TBPL1: variants seen among roughly 807,000 people sequenced by gnomAD.
TBPL1 encodes the protein TATA box-binding protein-like 1.
In TBPL1, 4 loss-of-function variants were observed where a neutral mutation model predicts 22.1. The ratio of observed to expected loss-of-function variants is 0.18; its 90% CI spans 0.09 to 0.41. TBPL1 has a LOEUF of 0.41. Among genes scored for constraint, TBPL1 ranks in the 10% least tolerant of loss-of-function variants. The pLI, the probability that TBPL1 is intolerant of heterozygous loss-of-function variation, is 1.00. For synonymous variants in TBPL1, 64 were observed against 71.0 expected, an observed-to-expected ratio of 0.90 and a Z score of 0.50; for missense variants, 115 against 222.3, an observed-to-expected ratio of 0.52 and a Z score of 3.07.
chr6:133,973,150 TCTA>T (rs1437147094), intron 1 of TBPL1, among the ~76,000 whole-genome samples: 3 of 152,360 alleles, frequency 2.0e-5, no homozygotes, highest in East Asian at 3.9e-4. Context: ...TATTTCCTAA[TCTA>T]CTATTTGGGG....
chr6:133,971,811 A>G (rs901801980), intron 1 of TBPL1, among the ~76,000 whole-genome samples: 3 of 152,076 alleles, frequency 2.0e-5, no homozygotes, highest in African/African-American at 7.2e-5. Context: ...TGAATTTCAT[A>G]TATATATTCT....
chr6:133,981,961 A>C (rs1486795770), intron 2 of TBPL1, among the ~76,000 whole-genome samples: 1 of 152,220 alleles, frequency 6.6e-6, no homozygotes, highest in Non-Finnish European at 1.5e-5. Flanking sequence ...TTTCTCCTTT[A>C]TTCAAGATGC....
intron 2 of TBPL1, among the ~76,000 whole-genome samples, chr6:133,981,123 C>T (rs1776406180): frequency 6.6e-6 from 1 of 152,028 alleles, no homozygotes; most frequent in Non-Finnish European, 1.5e-5. Context: ...CAGGTGCACA[C>T]CACCACGCTC....
intron 1 of TBPL1, among the ~76,000 whole-genome samples, chr6:133,972,173 A>G (rs1776234642): frequency 6.6e-6 from 1 of 152,232 alleles, no homozygotes; most frequent in African/African-American, 2.4e-5. Flanking sequence ...TGCAGACAAG[A>G]CATTCCCCCA....
rs994526345 is a variant in TBPL1, at chr6:133,972,585, G to A, written c.-44-7497G>A. ...CTGCGTAGTCATTATGGAAACACAC[G>A]GGCATGGCTGTGTTCCAATAAAACT... On this transcript the variant is annotated intron_variant, in intron 1 of 6. Transcript: ENST00000237264. Among the ~76,000 whole-genome samples, 6 of 152,116 alleles carry A rather than the reference G, an allele frequency of 3.9e-5. No homozygotes were observed. The South Asian group carries it at 8.3e-4, about 21-fold the overall frequency.
At chr6:133,965,828 T>A (rs888969090) in intron 1 of TBPL1, among the ~76,000 whole-genome samples, 8 of 152,180 alleles carry the variant, frequency 5.3e-5, no homozygotes, top group African/African-American at 1.9e-4. Flanking sequence ...AAAGGAGATA[T>A]AATAATAGTA....
chr6:133,973,965 AT>A (rs1337234675), intron 1 of TBPL1, among the ~76,000 whole-genome samples: 2 of 149,704 alleles, frequency 1.3e-5, no homozygotes, highest in Admixed American at 6.7e-5. Context: ...ACATATATAT[AT>A]ATATTTGTTT....
rs1022480053 is a variant in TBPL1 at position 133,953,232 on chromosome 6, C to T, written c.-238C>T. 2 of 152,830 alleles carry T rather than the reference C, an allele frequency of 1.3e-5. No homozygotes were observed. Among genetic ancestry groups the T allele is most frequent in the Non-Finnish European group, 2.9e-5 (2 of 68,212 alleles). The allele number at this position is 152,830 out of a possible 1,614,324, so 9.5% of individuals were successfully genotyped here. A position where few individuals can be genotyped will look rare whatever the true frequency, so the allele number is the denominator to read the frequency against. Reference sequence around the variant, plus strand: ...GGGGAAGCTGCGGCCGCCTCGCACCCGGAACAACAAAGCAAGGAAGACGGA... The same window carrying T: ...GGGGAAGCTGCGGCCGCCTCGCACCTGGAACAACAAAGCAAGGAAGACGGA... On this transcript the variant is annotated 5_prime_UTR_variant, in exon 1 of 7. Coordinates refer to ENST00000237264, the MANE Select transcript of TBPL1 (RefSeq NM_004865.4).
intron 1 of TBPL1, among the ~76,000 whole-genome samples, chr6:133,978,797 A>G (rs557643829): frequency 2.6e-5 from 4 of 152,284 alleles, no homozygotes; most frequent in Admixed American, 1.3e-4. Context: ...GACCTTCTTT[A>G]TTTAGACTCT....
chr6:133,959,269 A>G (rs1583807998), intron 1 of TBPL1, among the ~76,000 whole-genome samples: 1 of 152,104 alleles, frequency 6.6e-6, no homozygotes, highest in South Asian at 2.1e-4. Context: ...CGAACTTCTG[A>G]CCTCAAGTGA....
intron 1 of TBPL1, among the ~76,000 whole-genome samples, chr6:133,956,430 A>G (rs2114316047): frequency 6.6e-6 from 1 of 152,308 alleles, no homozygotes; most frequent in South Asian, 2.1e-4. Flanking sequence ...CATGTGTGTA[A>G]TAAAACATGA....
At chr6:133,963,902 G>A (rs1776070795) in intron 1 of TBPL1, among the ~76,000 whole-genome samples, 2 of 151,604 alleles carry the variant, frequency 1.3e-5, no homozygotes, top group Admixed American at 1.3e-4. Context: ...TTAGCCAGGC[G>A]TGGTGGCGGG....
At chr6:133,970,030 A>C (rs545769364) in intron 1 of TBPL1, among the ~76,000 whole-genome samples, 1 of 152,238 alleles carries the variant, frequency 6.6e-6, no homozygotes, top group South Asian at 2.1e-4. Flanking sequence ...TGCCACTCCT[A>C]ACTGTTGGTT....
intron 1 of TBPL1, among the ~76,000 whole-genome samples, chr6:133,954,769 G>A (rs117921490): frequency 0.017 from 2,520 of 152,254 alleles, 24 homozygotes; most frequent in Non-Finnish European, 0.026. Flanking sequence ...GCAAAAAGGT[G>A]TCATCCTTTC....
At chr6:133,978,727 C>T (rs778296621) in intron 1 of TBPL1, among the ~76,000 whole-genome samples, 2 of 152,114 alleles carry the variant, frequency 1.3e-5, no homozygotes, top group Non-Finnish European at 2.9e-5. Context: ...ATAGAGGTGT[C>T]AGAAGTCTTG....
intron 3 of TBPL1, 46 bp from the exon 4 acceptor site, chr6:133,982,767 CATTT>C: frequency 6.3e-7 from 1 of 1,595,984 alleles, no homozygotes; most frequent in Non-Finnish European, 8.5e-7. Context: ...CTCAGTATAA[CATTT>C]ATTTCCTGTG....
At position 133,988,493 on chromosome 6, in the gene TBPL1, T is replaced by C. The variant is rs1776569790; in HGVS notation, c.*1453T>C. ...TTTCCAAAATGTTTTTAAACCTTTG[T>C]GGAAAAATTGCAACATCCTAATCTC... On this transcript the variant is annotated 3_prime_UTR_variant, in exon 7 of 7. Coordinates refer to ENST00000237264, the MANE Select transcript of TBPL1 (RefSeq NM_004865.4). 1 of 152,220 alleles carries C rather than the reference T, an allele frequency of 6.6e-6. No individual in the cohort carries two copies. The highest frequency in any genetic ancestry group is 1.5e-5 in the Non-Finnish European group (1 of 68,028). 9.4% of individuals were successfully genotyped at this position (152,220 alleles called of 1,614,324 possible).
chr6:133,985,297 A>ATAT (rs1554304688), intron 6 of TBPL1, among the ~76,000 whole-genome samples: 2 of 42,888 alleles, frequency 4.7e-5, no homozygotes, highest in African/African-American at 2.3e-4. Context: ...AAAAAAAAAA[A>ATAT]ATATATATAT....
chr6:133,979,535 A>G (rs1582581090), intron 1 of TBPL1, among the ~76,000 whole-genome samples: 1 of 152,098 alleles, frequency 6.6e-6, no homozygotes, highest in African/African-American at 2.4e-5. Flanking sequence ...CCTGTCAAGT[A>G]AAAGTTACTT....
Sources: allele counts gnomAD v4.1 joint callset (sites outside exome capture counted in the v4.1 genomes callset), GRCh38; gene constraint gnomAD v4.1.1; transcripts MANE v1.5; gene names NCBI Gene and HGNC (gene_info 2026-07-23, HGNC 2026-07-21).